The following LRRC7 variants were observed in gnomAD, a reference collection of about 807,000 sequenced individuals.
LRRC7 encodes the protein leucine rich repeat containing 7, also known as leucine-rich repeat-containing protein 7.
A neutral mutation model predicts 175.7 loss-of-function variants in LRRC7; 23 were observed. That is an observed-to-expected ratio of 0.13 (90% confidence interval 0.09 to 0.19). The LOEUF is 0.19. Ranked by LOEUF, LRRC7 falls within the 10% of genes least tolerant of loss-of-function variation. The pLI is 1.00. For missense variants in LRRC7, 1,354 were observed against 1,904.7 expected, an observed-to-expected ratio of 0.71 and a Z score of 5.38; for synonymous variants, 685 against 680.9, an observed-to-expected ratio of 1.01 and a Z score of -0.09.
chr1:69,822,907 T>C (rs1679467402), intron 4 of LRRC7, among the ~76,000 whole-genome samples: 1 of 152,202 alleles, frequency 6.6e-6, no homozygotes, highest in Non-Finnish European at 1.5e-5. Flanking sequence ...ACTCCTATTC[T>C]GCCATCTTGC....
intron 2 of LRRC7, among the ~76,000 whole-genome samples, chr1:69,744,745 T>C (rs1669075915): frequency 6.6e-6 from 1 of 151,864 alleles, no homozygotes; most frequent in Admixed American, 6.6e-5. Context: ...GTGCTACCAT[T>C]ACCAAGAGAC....
At chr1:69,608,889 TATATATATATACAC>T (rs1444702217) in intron 1 of LRRC7, among the ~76,000 whole-genome samples, 40 of 135,100 alleles carry the variant, frequency 3.0e-4, no homozygotes, top group African/African-American at 1.1e-3. Context: ...TATATATATA[TATATATATATACAC>T]ACACACACAC....
At chr1:70,002,215 C>T (rs956693894) in intron 11 of LRRC7, among the ~76,000 whole-genome samples, 7 of 152,072 alleles carry the variant, frequency 4.6e-5, no homozygotes, top group African/African-American at 1.7e-4. Flanking sequence ...TGTGGTCAAA[C>T]AGAAAGACTG....
Position 69,879,979 on chromosome 1 carries a change from C to T in LRRC7, c.647+41696C>T, listed in dbSNP as rs1031462676. ...AAAGTAACAAGGAGCTATTTTACCA[C>T]CCATAAAACTAAGACTCTATTCCTT... On this transcript the variant is annotated intron_variant, in intron 7 of 26. Coordinates refer to ENST00000651989, the MANE Select transcript of LRRC7 (RefSeq NM_001370785.2). 22 of 152,194 alleles carry T rather than the reference C, an allele frequency of 1.4e-4. 1 individual carries two copies. The highest frequency in any genetic ancestry group is 1.3e-3 in the Admixed American group (20 of 15,290). The allele number at this position is 152,194 out of a possible 1,614,324, so 9.4% of individuals were successfully genotyped here.
intron 3 of LRRC7, among the ~76,000 whole-genome samples, chr1:69,779,134 C>T (rs1673187026): frequency 6.6e-6 from 1 of 151,834 alleles, no homozygotes; most frequent in Non-Finnish European, 1.5e-5. Context: ...CATTGATTAC[C>T]CTCTATAGAC....
intron 18 of LRRC7, among the ~76,000 whole-genome samples, chr1:70,032,046 C>T (rs1571096339): frequency 6.6e-6 from 1 of 152,170 alleles, no homozygotes; most frequent in African/African-American, 2.4e-5. Context: ...ATCCACCCAC[C>T]TTGGCTTCCC....
At chr1:69,732,158 T>A (rs750458146) in intron 2 of LRRC7, among the ~76,000 whole-genome samples, 4 of 152,084 alleles carry the variant, frequency 2.6e-5, no homozygotes, top group Non-Finnish European at 5.9e-5. Context: ...TAATAATAAT[T>A]AGCTAGTTTT....
At chr1:69,777,640 C>T (rs1672962895) in intron 3 of LRRC7, among the ~76,000 whole-genome samples, 1 of 152,162 alleles carries the variant, frequency 6.6e-6, no homozygotes, top group East Asian at 1.9e-4. Context: ...CAGTTGGTGA[C>T]TATTCAGTTT....
At chr1:69,984,754 T>A (rs1653776421) in intron 9 of LRRC7, among the ~76,000 whole-genome samples, 1 of 152,200 alleles carries the variant, frequency 6.6e-6, no homozygotes, top group Non-Finnish European at 1.5e-5. Flanking sequence ...CAGATCTCCT[T>A]GACTCCAGCT....
chr1:69,908,335 G>C (rs1231981235), intron 7 of LRRC7, among the ~76,000 whole-genome samples: 1 of 151,932 alleles, frequency 6.6e-6, no homozygotes, highest in Non-Finnish European at 1.5e-5. Context: ...TGCTTTTCTA[G>C]TTCTTTTAAT....
chr1:69,778,951 C>T (rs558059058), intron 3 of LRRC7, among the ~76,000 whole-genome samples: 1 of 139,476 alleles, frequency 7.2e-6, no homozygotes, highest in African/African-American at 3.0e-5. Context: ...CATATATACA[C>T]ACACACAAAC....
chr1:69,986,379 T>G lies in LRRC7; in HGVS notation c.924T>G (p.Asp308Glu). 1.2e-6 allele frequency: 2 copies of G among 1,612,122 alleles called. No individual in the cohort carries two copies. The highest frequency in any genetic ancestry group is 1.7e-6 in the Non-Finnish European group (2 of 1,179,208). Residue 308 changes from aspartate to glutamate, a missense_variant, in exon 10 of 27, where the codon GAT (aspartate) becomes GAG (glutamate). Asp to Glu is a conservative substitution (Grantham distance 45). This residue lies in a region of LRRC7 where 201 missense variants were observed against 481.4 expected (regional missense o/e 0.42). Coordinates refer to ENST00000651989, the MANE Select transcript of LRRC7 (RefSeq NM_001370785.2). ...LSSNMLQQLP[D>E]SIGLLKKLTT... Reference sequence around the variant, plus strand: ...CCAATATGTTGCAACAATTGCCTGATTCTATAGGTGAGAATATAATATTTT... The same window carrying G: ...CCAATATGTTGCAACAATTGCCTGAGTCTATAGGTGAGAATATAATATTTT...
chr1:69,811,154 C>A (rs1437982342), intron 4 of LRRC7, among the ~76,000 whole-genome samples: 2 of 152,044 alleles, frequency 1.3e-5, no homozygotes, highest in Non-Finnish European at 2.9e-5. Context: ...ATGCAGCCAA[C>A]AAACATATGA....
chr1:70,081,776 T>C (rs927860860), intron 24 of LRRC7, among the ~76,000 whole-genome samples: 6 of 152,068 alleles, frequency 3.9e-5, no homozygotes, highest in Non-Finnish European at 7.4e-5. Context: ...CTCCCTAACA[T>C]ATCAAAATGG....
At chr1:69,790,263 A>T (rs543659347) in intron 3 of LRRC7, among the ~76,000 whole-genome samples, 1 of 152,150 alleles carries the variant, frequency 6.6e-6, no homozygotes, top group African/African-American at 2.4e-5. Context: ...TGAAGGTTGA[A>T]CACACTTCAA....
At chr1:69,703,599 ATATC>A (rs1414711673) in intron 2 of LRRC7, among the ~76,000 whole-genome samples, 3 of 152,028 alleles carry the variant, frequency 2.0e-5, no homozygotes, top group Non-Finnish European at 2.9e-5. Flanking sequence ...ACATATCTAT[ATATC>A]TATTCTAAGA....
rs1666307297 is a variant in LRRC7, at chr1:70,123,514, A to G, written c.*1627A>G. ...GTACAGTGGTATTTTTTGGCAATAG[A>G]ATTTGTCACTTGGGAGAAAATAATA... On this transcript the variant is annotated 3_prime_UTR_variant, in exon 27 of 27. Coordinates refer to ENST00000651989, the MANE Select transcript of LRRC7 (RefSeq NM_001370785.2). 1 of 152,136 alleles carries G rather than the reference A, an allele frequency of 6.6e-6. No individual in the cohort carries two copies. The highest frequency in any genetic ancestry group is 6.5e-5 in the Admixed American group (1 of 15,278). 9.4% of individuals were successfully genotyped at this position (152,136 alleles called of 1,614,324 possible).
chr1:69,728,490 A>G (rs2100808003), intron 2 of LRRC7, among the ~76,000 whole-genome samples: 1 of 152,298 alleles, frequency 6.6e-6, no homozygotes, highest in Admixed American at 6.5e-5. Flanking sequence ...TGTGCAGTGT[A>G]CTCCTTGTGA....
intron 3 of LRRC7, among the ~76,000 whole-genome samples, chr1:69,781,436 C>A (rs932687781): frequency 1.3e-5 from 2 of 151,750 alleles, no homozygotes; most frequent in Non-Finnish European, 2.9e-5. Context: ...AATCCCAGCA[C>A]TTTGGGAGAT....
Sources: gnomAD v4.1 joint callset for allele counts (sites outside exome capture counted in the v4.1 genomes callset) on GRCh38, gnomAD v4.1.1 for gene constraint, gnomAD v4.1.1 regional missense constraint, MANE v1.5 for transcripts, NCBI Gene and HGNC (gene_info 2026-07-23, HGNC 2026-07-21) for gene names.